Variants in NTNG1 observed in about 807,000 individuals in gnomAD.
NTNG1 encodes the protein netrin-G1.
A neutral mutation model predicts 54.0 loss-of-function variants in NTNG1; 16 were observed. The ratio of observed to expected loss-of-function variants is 0.30; its 90% CI spans 0.20 to 0.45. The LOEUF is 0.45. NTNG1 is among the 20% of genes least tolerant of loss of function. NTNG1 has a pLI of 1.00. For synonymous variants in NTNG1, 255 were observed against 263.1 expected (o/e 0.97, Z 0.30); for missense variants, 530 against 678.7 (o/e 0.78, Z 2.43).
intron 2 of NTNG1, among the ~76,000 whole-genome samples, chr1:107,250,784 C>A (rs1662553306): frequency 6.6e-6 from 1 of 152,130 alleles, no homozygotes; most frequent in Non-Finnish European, 1.5e-5. Flanking sequence ...GATAGGGTGA[C>A]CTTGGTCAAG....
chr1:107,407,949 C>G (rs1196416756), intron 5 of NTNG1: 1 of 703,598 alleles, frequency 1.4e-6, no homozygotes, highest in Non-Finnish European at 2.6e-6. Context: ...TACTCTTAAC[C>G]AGTGAGGGCT....
intron 7 of NTNG1, among the ~76,000 whole-genome samples, chr1:107,452,579 G>A (rs1044807545): frequency 6.6e-6 from 1 of 152,104 alleles, no homozygotes; most frequent in African/African-American, 2.4e-5. Flanking sequence ...GCATTCTAGT[G>A]GTAGTGAGTG....
chr1:107,225,307 A>G (rs1429578475), intron 2 of NTNG1, among the ~76,000 whole-genome samples: 2 of 152,148 alleles, frequency 1.3e-5, no homozygotes, highest in Admixed American at 6.5e-5. Flanking sequence ...CATTATATCC[A>G]TCTCCTAGGT....
chr1:107,418,396 A>G (rs375017658), intron 5 of NTNG1, among the ~76,000 whole-genome samples: 54 of 152,100 alleles, frequency 3.6e-4, no homozygotes, highest in African/African-American at 1.3e-3. Context: ...TGTCCATTCA[A>G]TGTTTTGGGA....
intron 2 of NTNG1, among the ~76,000 whole-genome samples, chr1:107,259,835 TA>T (rs1165402724): frequency 6.6e-6 from 1 of 152,160 alleles, no homozygotes; most frequent in Non-Finnish European, 1.5e-5. Context: ...CTTCTTTAAA[TA>T]ATTATTAAAA....
chr1:107,471,868 T>A (rs539317203), intron 7 of NTNG1, among the ~76,000 whole-genome samples: 6 of 152,358 alleles, frequency 3.9e-5, no homozygotes, highest in Non-Finnish European at 5.9e-5. Flanking sequence ...CATTCTTCCA[T>A]CCTGAGCTTC....
chr1:107,210,309 G>A (rs1659514662), intron 2 of NTNG1, among the ~76,000 whole-genome samples: 1 of 152,242 alleles, frequency 6.6e-6, no homozygotes, highest in Middle Eastern at 3.4e-3. Flanking sequence ...AAAGCAAGGA[G>A]AAAATTTAAA....
intron 2 of NTNG1, 65 bp downstream of exon 2, chr1:107,148,904 TGTG>T (rs1654344538): frequency 6.8e-7 from 1 of 1,468,628 alleles, no homozygotes; most frequent in South Asian, 1.2e-5. Context: ...TGCATACAGA[TGTG>T]GTGAGTGTGA....
At chr1:107,479,473 C>T (rs1031201133) in intron 7 of NTNG1, among the ~76,000 whole-genome samples, 1 of 144,906 alleles carries the variant, frequency 6.9e-6, no homozygotes, top group Non-Finnish European at 1.5e-5. Flanking sequence ...GGAAATTTCA[C>T]CATGACATTT....
rs1301666267 is a variant in NTNG1, at chr1:107,386,147, GTGTA to G, written c.888-9005_888-9002del. Among the ~76,000 whole-genome samples, 148 of 94,418 alleles carry G rather than the reference GTGTA, an allele frequency of 1.6e-3. 4 individuals are homozygous for G. The highest frequency in any genetic ancestry group is 6.4e-3 in the Middle Eastern group (1 of 156). The allele number at this position is 94,418 out of a possible 152,430, so 61.9% of individuals were successfully genotyped here. A position where few individuals can be genotyped will look rare whatever the true frequency, so the allele number is the denominator to read the frequency against. On this transcript the variant is annotated intron_variant, in intron 3 of 7. Transcript: ENST00000370068. ...TATATGTATGTATATATATATATGT[GTGTA>G]TATATATATATATATTTTTTTTTTT... is the stretch of plus-strand genomic sequence containing the variant.
chr1:107,315,973 T>C (rs1667314597), intron 2 of NTNG1, among the ~76,000 whole-genome samples: 1 of 152,204 alleles, frequency 6.6e-6, no homozygotes, highest in Non-Finnish European at 1.5e-5. Context: ...AAGCTGGAGA[T>C]CAACAAAAGT....
intron 3 of NTNG1, among the ~76,000 whole-genome samples, chr1:107,393,608 A>T (rs187357016): frequency 1.4e-4 from 22 of 152,082 alleles, no homozygotes; most frequent in African/African-American, 4.6e-4. Flanking sequence ...AAACATTGTA[A>T]TAGACCCCCG....
intron 2 of NTNG1, among the ~76,000 whole-genome samples, chr1:107,210,096 T>C (rs895007321): frequency 6.6e-6 from 1 of 152,172 alleles, no homozygotes; most frequent in East Asian, 1.9e-4. Context: ...GATGGAAACG[T>C]GAACAGTGAG....
intron 3 of NTNG1, among the ~76,000 whole-genome samples, chr1:107,361,152 T>A (rs1670242561): frequency 1.4e-5 from 2 of 145,036 alleles, no homozygotes; most frequent in African/African-American, 2.5e-5. Flanking sequence ...ATATTATATA[T>A]TTCTTATATA....
chr1:107,288,014 T>C (rs545682403), intron 2 of NTNG1, among the ~76,000 whole-genome samples: 1 of 152,118 alleles, frequency 6.6e-6, no homozygotes, highest in Non-Finnish European at 1.5e-5. Flanking sequence ...GGAAGATTAC[T>C]CTGACCACAG....
chr1:107,208,476 G>T (rs559154053), intron 2 of NTNG1, among the ~76,000 whole-genome samples: 1 of 151,632 alleles, frequency 6.6e-6, no homozygotes, highest in Non-Finnish European at 1.5e-5. Context: ...GAAATGGAGG[G>T]AATACTTCTT....
At chr1:107,351,242 A>G (rs2101959881) in intron 3 of NTNG1, among the ~76,000 whole-genome samples, 1 of 152,252 alleles carries the variant, frequency 6.6e-6, no homozygotes. Flanking sequence ...AAAGTCCATG[A>G]CCCACCTGGA....
intron 2 of NTNG1, among the ~76,000 whole-genome samples, chr1:107,244,065 T>TA (rs147277975): frequency 0.01 from 1,584 of 152,314 alleles, 27 homozygotes; most frequent in East Asian, 0.06. Context: ...TGCTGGAAGC[T>TA]AAAAACATGC....
At chr1:107,319,969 C>T (rs1451920810) in intron 2 of NTNG1, among the ~76,000 whole-genome samples, 1 of 151,732 alleles carries the variant, frequency 6.6e-6, no homozygotes, top group African/African-American at 2.4e-5. Context: ...AAGAAAGACA[C>T]CTTCCATCAA....
Sources: gnomAD v4.1 joint callset for allele counts (sites outside exome capture counted in the v4.1 genomes callset) on GRCh38, gnomAD v4.1.1 for gene constraint, MANE v1.5 for transcripts, NCBI Gene and HGNC (gene_info 2026-07-23, HGNC 2026-07-21) for gene names.